Variants in ZCCHC4 observed in about 807,000 individuals in gnomAD.
ZCCHC4 encodes zinc finger CCHC-type containing 4, also known as rRNA N(6)-adenosine-methyltransferase ZCCHC4.
In ZCCHC4, 54 loss-of-function variants were observed where a neutral mutation model predicts 67.7. The ratio of observed to expected loss-of-function variants is 0.80; its 90% CI spans 0.64 to 1.00. The LOEUF (loss-of-function observed/expected upper bound fraction) is 1.00. ZCCHC4 is among the 50% of genes least tolerant of loss of function. ZCCHC4 has a pLI of 0.00. For missense variants in ZCCHC4, 609 were observed against 617.0 expected, an observed-to-expected ratio of 0.99 and a Z score of 0.14; for synonymous variants, 198 against 213.5, an observed-to-expected ratio of 0.93 and a Z score of 0.63.
intron 3 of ZCCHC4, among the ~76,000 whole-genome samples, chr4:25,330,944 G>GTT (rs139559911): frequency 1.3e-5 from 2 of 152,252 alleles, no homozygotes; most frequent in East Asian, 1.9e-4. Context: ...AGTCTGGAGC[G>GTT]TTTTTTCTCT....
At chr4:25,326,515 GT>G (rs536344188) in intron 3 of ZCCHC4, among the ~76,000 whole-genome samples, 1 of 150,232 alleles carries the variant, frequency 6.7e-6, no homozygotes, top group African/African-American at 2.4e-5. Context: ...CTTTATATGT[GT>G]TTTTTTTTCT....
chr4:25,357,699 G>T (rs1720569441), intron 8 of ZCCHC4, among the ~76,000 whole-genome samples: 1 of 152,082 alleles, frequency 6.6e-6, no homozygotes, highest in Admixed American at 6.6e-5. Flanking sequence ...AAGTTCTTTT[G>T]TATTCTTGTT....
rs1720768275 is a variant in ZCCHC4, at chr4:25,362,240, G to A, written c.1148G>A (p.Cys383Tyr). The change falls in exon 10 of 13, where the codon TGT (cysteine) becomes TAT (tyrosine). Residue 383 changes from cysteine to tyrosine, a missense_variant. Cys to Tyr is a radical substitution (Grantham distance 194, BLOSUM62 -2). Coordinates refer to ENST00000302874, the MANE Select transcript of ZCCHC4 (RefSeq NM_024936.3). ...TEEGYRFCSP[C>Y]QRYVSLENQH... Reference sequence around the variant, plus strand: ...CTTTACTCTAGATTTTGCTCTCCGTGTCAACGGTATGTTTCTCTAGAGAAT... The same window carrying A: ...CTTTACTCTAGATTTTGCTCTCCGTATCAACGGTATGTTTCTCTAGAGAAT... 2 of 1,611,118 alleles carry A rather than the reference G, an allele frequency of 1.2e-6. No individual in the cohort carries two copies. The highest frequency in any genetic ancestry group is 2.2e-5 in the South Asian group (2 of 90,506).
intron 8 of ZCCHC4, among the ~76,000 whole-genome samples, chr4:25,358,486 A>G (rs909142193): frequency 2.0e-5 from 3 of 152,216 alleles, no homozygotes; most frequent in Non-Finnish European, 4.4e-5. Context: ...GTTGTATTAG[A>G]TAAAAGATTA....
chr4:25,319,211 G>A (rs975038029), intron 3 of ZCCHC4, among the ~76,000 whole-genome samples: 3 of 151,958 alleles, frequency 2.0e-5, no homozygotes, highest in Non-Finnish European at 2.9e-5. Context: ...GTGAAACCCC[G>A]TCTCTACTAA....
intron 10 of ZCCHC4, 145 bp from the exon 11 acceptor site, chr4:25,364,309 A>G: frequency 1.8e-6 from 1 of 545,430 alleles, no homozygotes; most frequent in Non-Finnish European, 2.9e-6. Flanking sequence ...AAATCAAAGT[A>G]TCTAATTGTG....
intron 6 of ZCCHC4, among the ~76,000 whole-genome samples, chr4:25,348,492 G>A (rs1432086018): frequency 3.3e-5 from 5 of 151,868 alleles, no homozygotes; most frequent in African/African-American, 1.2e-4. Flanking sequence ...AAATATTTAG[G>A]AAAAAAAGGA....
intron 3 of ZCCHC4, among the ~76,000 whole-genome samples, chr4:25,316,974 C>G (rs1206331400): frequency 1.3e-5 from 2 of 152,126 alleles, no homozygotes; most frequent in Non-Finnish European, 2.9e-5. Flanking sequence ...TTTTAAAAAT[C>G]TGCATTGTTG....
chr4:25,355,434 C>T (rs1029008536), intron 8 of ZCCHC4, among the ~76,000 whole-genome samples: 2 of 152,094 alleles, frequency 1.3e-5, no homozygotes, highest in African/African-American at 4.8e-5. Flanking sequence ...GTGGTGTCCA[C>T]CATGGGGGTG....
intron 4 of ZCCHC4, among the ~76,000 whole-genome samples, 166 bp downstream of exon 4, chr4:25,333,624 T>C (rs1719299967): frequency 6.6e-6 from 1 of 152,222 alleles, no homozygotes; most frequent in African/African-American, 2.4e-5. Context: ...CTGTATTCCA[T>C]TTGAGAAAAA....
At chr4:25,340,680 G>A (rs750713552) in intron 5 of ZCCHC4, among the ~76,000 whole-genome samples, 6 of 152,020 alleles carry the variant, frequency 3.9e-5, no homozygotes, top group Non-Finnish European at 8.8e-5. Flanking sequence ...ATATTTTGTA[G>A]TTTTCAGTAT....
At chr4:25,322,376 T>C (rs2109052784) in intron 3 of ZCCHC4, among the ~76,000 whole-genome samples, 1 of 152,226 alleles carries the variant, frequency 6.6e-6, no homozygotes, top group East Asian at 1.9e-4. Context: ...ACCACTATTC[T>C]ACTTTCTGTC....
Position 25,361,849 on chromosome 4 carries a change from A to T in ZCCHC4, c.1012-10A>T. 1 of 1,589,874 alleles carries T rather than the reference A, an allele frequency of 6.3e-7. No individual in the cohort carries two copies. On this transcript the variant is annotated splice_polypyrimidine_tract_variant and intron_variant, in intron 8 of 12. Transcript: ENST00000302874. The stretch of plus-strand genomic sequence containing the variant: ...AAATTTTCTTTCTGCTCTAATTTTT[A>T]ACTTTCTAGGTAGATTATGATAATC...
intron 3 of ZCCHC4, among the ~76,000 whole-genome samples, chr4:25,326,051 C>T (rs777924518): frequency 4.6e-5 from 7 of 152,166 alleles, no homozygotes; most frequent in South Asian, 2.1e-4. Flanking sequence ...TGGTATACAA[C>T]GACATAGATT....
At chr4:25,355,777 G>T (rs950898386) in intron 8 of ZCCHC4, among the ~76,000 whole-genome samples, 1 of 152,196 alleles carries the variant, frequency 6.6e-6, no homozygotes, top group Admixed American at 6.5e-5. Context: ...TAGTGGGTTT[G>T]AAGTAAAAAG....
chr4:25,362,170 C>T (rs1720764210), intron 9 of ZCCHC4, 56 bp from the exon 10 acceptor site: 3 of 1,517,740 alleles, frequency 2.0e-6, no homozygotes, highest in South Asian at 2.4e-5. Context: ...AAAGTTTTAT[C>T]TACTCTGTAA....
intron 12 of ZCCHC4, among the ~76,000 whole-genome samples, chr4:25,367,863 AAGTAG>A (rs1452415177): frequency 6.6e-6 from 1 of 152,202 alleles, no homozygotes; most frequent in African/African-American, 2.4e-5. Flanking sequence ...AAATAATTTA[AAGTAG>A]AGTATATAGT....
chr4:25,346,132 A>C (rs2109078235), intron 6 of ZCCHC4, among the ~76,000 whole-genome samples: 1 of 152,222 alleles, frequency 6.6e-6, no homozygotes. Flanking sequence ...GACTTACCAC[A>C]CTGTAATTAA....
rs1320315640 is a variant in ZCCHC4 at position 25,361,916 on chromosome 4, C to T, written c.1069C>T (p.Pro357Ser). ...CGGAAAGACAGGTCGAAAACAGTCT[C>T]CCGTGCGTATTTTCACCAACATTCC... Reference protein sequence around the residue: ...KHGKTGRKQSPVRIFTNIPPN... With the variant: ...KHGKTGRKQSSVRIFTNIPPN... The change falls in exon 9 of 13, where the codon CCC becomes TCC. Residue 357 changes from proline to serine, a missense_variant. Physicochemically the swap from Pro to Ser is moderately conservative, Grantham distance 74. Transcript: ENST00000302874. 2 of 1,613,782 alleles carry T rather than the reference C, an allele frequency of 1.2e-6. No individual in the cohort carries two copies. Among genetic ancestry groups the T allele is most frequent in the Non-Finnish European group, 1.7e-6 (2 of 1,179,886 alleles).
Sources: gnomAD v4.1 joint callset for allele counts (sites outside exome capture counted in the v4.1 genomes callset) on GRCh38, gnomAD v4.1.1 for gene constraint, MANE v1.5 for transcripts, NCBI Gene and HGNC (gene_info 2026-07-23, HGNC 2026-07-21) for gene names.